Variants in SPEN observed in about 807,000 individuals in gnomAD.
SPEN encodes the protein spen family transcriptional repressor, also known as msx2-interacting protein.
A neutral mutation model predicts 269.9 loss-of-function variants in SPEN; 18 were observed. The ratio of observed to expected loss-of-function variants is 0.07; its 90% CI spans 0.05 to 0.10. SPEN has a LOEUF of 0.10. Among genes scored for constraint, SPEN ranks in the 10% least tolerant of loss-of-function variants. The pLI is 1.00. For missense variants in SPEN, 3,822 were observed against 4,631.2 expected (o/e 0.83, Z 5.07); for synonymous variants, 1,726 against 1,765.7 (o/e 0.98, Z 0.56).
At chr1:15,920,836 G>A (rs1263658451) in intron 8 of SPEN, 34 bp from the exon 9 acceptor site, 2 of 1,325,100 alleles carry the variant, frequency 1.5e-6, no homozygotes, top group South Asian at 1.3e-5. Flanking sequence ...AGTGGATGAG[G>A]CTCTTACTTG....
intron 3 of SPEN, among the ~76,000 whole-genome samples, chr1:15,890,517 A>G (rs1299003293): frequency 6.9e-6 from 1 of 144,792 alleles, no homozygotes; most frequent in Non-Finnish European, 1.5e-5. Flanking sequence ...GGCATGAGCC[A>G]CCGTGCCCGG....
At chr1:15,923,605 G>T (rs928301596) in intron 10 of SPEN, among the ~76,000 whole-genome samples, 1 of 151,696 alleles carries the variant, frequency 6.6e-6, no homozygotes, top group East Asian at 1.9e-4. Context: ...TTGTTTAAAT[G>T]ATAGCAAGTA....
At chr1:15,925,883 G>A (rs1192379911) in intron 10 of SPEN, among the ~76,000 whole-genome samples, 1 of 152,138 alleles carries the variant, frequency 6.6e-6, no homozygotes, top group East Asian at 1.9e-4. Flanking sequence ...TCACCTTCAT[G>A]TGGAAAATAC....
At chr1:15,880,074 T>C (rs1358568904) in intron 3 of SPEN, among the ~76,000 whole-genome samples, 4 of 152,156 alleles carry the variant, frequency 2.6e-5, no homozygotes, top group Non-Finnish European at 5.9e-5. Context: ...TGGGCTCTTG[T>C]ATGTTTTTTT....
chr1:15,930,310 A>G lies in SPEN; in HGVS notation c.4070A>G (p.Asn1357Ser), dbSNP rs1337344787. The G allele has an allele frequency of 6.2e-7, 1 of 1,614,100 alleles. No individual in the cohort carries two copies. Among genetic ancestry groups the G allele is most frequent in the African/African-American group, 1.3e-5 (1 of 74,934 alleles). Residue 1357 changes from asparagine (N) to serine (S), a missense_variant, in exon 11 of 15, where the codon AAC becomes AGC. By Grantham distance (46) the Asn-to-Ser change is conservative. Transcript: ENST00000375759. This position sits in a 1 kb window ranked among gnomAD's most constrained non-coding sequence, Gnocchi z 5.3. ...DAGRFDVSFP[N>S]SIIKRDSLRK... ...GGCAGATTTGATGTGAGTTTCCCAA[A>G]CAGCATAATTAAGAGAGATAGCCTT... is the stretch of plus-strand genomic sequence containing the variant.
chr1:15,919,568 G>T, intron 8 of SPEN, 51 bp downstream of exon 8: 1 of 1,126,948 alleles, frequency 8.9e-7, no homozygotes, highest in Non-Finnish European at 1.3e-6. Context: ...CACTCGTCTT[G>T]GTATTCTCTC....
chr1:15,852,529 C>A (rs1459691014), intron 1 of SPEN, among the ~76,000 whole-genome samples: 1 of 152,080 alleles, frequency 6.6e-6, no homozygotes, highest in East Asian at 1.9e-4. Flanking sequence ...CCAAAAGGAA[C>A]GCCCCTGGCA....
intron 1 of SPEN, among the ~76,000 whole-genome samples, chr1:15,849,047 T>TA (rs574632507): frequency 1.0e-3 from 156 of 152,344 alleles, no homozygotes; most frequent in Non-Finnish European, 1.6e-3. Flanking sequence ...TTGTCGTTGA[T>TA]ACATCTTATT....
At position 15,873,114 on chromosome 1, in the gene SPEN, C is replaced by T. The variant is rs751080105; in HGVS notation, c.382C>T (p.Arg128Cys). The change falls in exon 2 of 15, where the codon CGT becomes TGT. Residue 128 changes from arginine to cysteine, a missense_variant. Arg to Cys is a radical substitution (Grantham distance 180). This residue lies in a region of SPEN where 327 missense variants were observed against 350.8 expected (regional missense o/e 0.93). Transcript: ENST00000375759. ...ACCGTCACTTCATGCACGAGAAGGA[C>T]GTTATGAGCGGAGACTTGATGGGTA... ...PPPSLHAREG[R>C]YERRLDGASD... is the part of the protein sequence containing the mutation. The T allele has an allele frequency of 3.7e-6, 6 of 1,611,828 alleles. No individual in the cohort carries two copies. Among genetic ancestry groups the T allele is most frequent in the Non-Finnish European group, 5.1e-6 (6 of 1,178,364 alleles).
intron 3 of SPEN, among the ~76,000 whole-genome samples, chr1:15,905,437 GT>G (rs2070946508): frequency 2.0e-5 from 3 of 151,818 alleles, no homozygotes; most frequent in Non-Finnish European, 4.4e-5. Context: ...GGCCAGGCTG[GT>G]CTCAAACTCC....
intron 2 of SPEN, among the ~76,000 whole-genome samples, chr1:15,875,051 TGATAGAA>T (rs765840386): frequency 2.0e-5 from 3 of 152,156 alleles, no homozygotes; most frequent in Non-Finnish European, 4.4e-5. Context: ...TAATCCCTTT[TGATAGAA>T]GATAGATCCA....
intron 1 of SPEN, among the ~76,000 whole-genome samples, chr1:15,861,277 A>G (rs1397017560): frequency 4.6e-5 from 7 of 151,754 alleles, no homozygotes; most frequent in African/African-American, 9.7e-5. Flanking sequence ...GACTATAGGC[A>G]CATGCCACCA....
intron 5 of SPEN, among the ~76,000 whole-genome samples, chr1:15,915,679 C>T (rs1186201364): frequency 2.6e-5 from 4 of 152,146 alleles, no homozygotes; most frequent in South Asian, 2.1e-4. Context: ...AGAATACAGG[C>T]GTGCGCCACC....
chr1:15,914,740 CTTG>C (rs2071041924), intron 5 of SPEN, among the ~76,000 whole-genome samples: 1 of 152,080 alleles, frequency 6.6e-6, no homozygotes, highest in African/African-American at 2.4e-5. Context: ...AGGAGAATTG[CTTG>C]AACCCAGGAG....
rs143223138 is a variant in SPEN at position 15,935,904 on chromosome 1, G to T, written c.9664G>T (p.Ala3222Ser). 1 of 1,612,942 alleles carries T rather than the reference G, an allele frequency of 6.2e-7. No homozygotes were observed. Among genetic ancestry groups the T allele is most frequent in the East Asian group, 2.2e-5 (1 of 44,860 alleles). Residue 3222 changes from alanine (A) to serine (S), a missense_variant, in exon 11 of 15, where the codon GCC becomes TCC. Physicochemically the swap from Ala to Ser is moderately conservative, Grantham distance 99 (BLOSUM62 1). This residue lies in a region of SPEN where 359 missense variants were observed against 377.3 expected (regional missense o/e 0.95). Transcript: ENST00000375759. This position sits in a 1 kb window ranked among gnomAD's most constrained non-coding sequence, Gnocchi z 7.7. ...AADGVVKVPPASKAPQQPGKE... is the reference protein window; with the variant it reads ...AADGVVKVPPSSKAPQQPGKE... ...GGATGGGGTGGTGAAGGTGCCACCA[G>T]CCAGCAAGGCCCCTCAGCAGCCAGG...
intron 5 of SPEN, among the ~76,000 whole-genome samples, chr1:15,912,355 G>T (rs2071020098): frequency 1.3e-5 from 2 of 152,146 alleles, no homozygotes; most frequent in African/African-American, 4.8e-5. Context: ...GAATAAATTT[G>T]TAAAGGAATC....
intron 3 of SPEN, among the ~76,000 whole-genome samples, chr1:15,879,395 T>C (rs1205090032): frequency 1.3e-5 from 2 of 151,932 alleles, no homozygotes; most frequent in African/African-American, 4.8e-5. Context: ...AACCTAGAGG[T>C]GATCTGATGA....
chr1:15,891,968 TAAA>T, intron 3 of SPEN, among the ~76,000 whole-genome samples: 1 of 151,264 alleles, frequency 6.6e-6, no homozygotes, highest in Non-Finnish European at 1.5e-5. Context: ...TATATTAGGT[TAAA>T]TAAAGCATAT....
At chr1:15,872,725 A>T in intron 1 of SPEN, 91 bp from the exon 2 acceptor site, 2 of 1,035,716 alleles carry the variant, frequency 1.9e-6, no homozygotes, top group South Asian at 2.0e-5. Flanking sequence ...TCCCTCCTAC[A>T]TACATAACGC....
Sources: gnomAD v4.1 joint callset for allele counts (sites outside exome capture counted in the v4.1 genomes callset) on GRCh38, gnomAD v4.1.1 for gene constraint, gnomAD v4.1.1 regional missense constraint, Gnocchi (gnomAD v3.1) non-coding constraint, MANE v1.5 for transcripts, NCBI Gene and HGNC (gene_info 2026-07-23, HGNC 2026-07-21) for gene names.